The following GRM3 variants were observed in gnomAD, a reference collection of about 807,000 sequenced individuals.
GRM3 encodes the protein glutamate metabotropic receptor 3, also known as metabotropic glutamate receptor 3.
Under a neutral mutation model 70.5 loss-of-function variants are expected in GRM3, and 26 were observed. The ratio of observed to expected loss-of-function variants is 0.37; its 90% CI spans 0.27 to 0.51. The LOEUF is 0.51. GRM3 is among the 20% of genes least tolerant of loss of function. The pLI, the probability that GRM3 is intolerant of heterozygous loss-of-function variation, is 0.93. For missense variants in GRM3, 859 were observed against 1,123.8 expected, an observed-to-expected ratio of 0.76 and a Z score of 3.37; for synonymous variants, 443 against 434.9, an observed-to-expected ratio of 1.02 and a Z score of -0.23.
At chr7:86,763,473 AC>A (rs529523820) in intron 1 of GRM3, among the ~76,000 whole-genome samples, 96 of 152,300 alleles carry the variant, frequency 6.3e-4, no homozygotes, top group Non-Finnish European at 8.1e-4. Flanking sequence ...AACAGCAGGT[AC>A]ATAGGTTCAT....
chr7:86,705,178 G>A (rs1795029536), intron 1 of GRM3, among the ~76,000 whole-genome samples: 1 of 151,894 alleles, frequency 6.6e-6, no homozygotes, highest in African/African-American at 2.4e-5. Flanking sequence ...ATTCCAATGA[G>A]ACATTCCCAA....
At chr7:86,746,339 T>TATTTTATATATATATAAA (rs1324522543) in intron 1 of GRM3, among the ~76,000 whole-genome samples, 455 of 43,218 alleles carry the variant, frequency 0.011, 3 homozygotes, top group Non-Finnish European at 0.014. Flanking sequence ...GTCAGTCATG[T>TATTTTATATATATATAAA]ATTATATATA....
intron 1 of GRM3, among the ~76,000 whole-genome samples, chr7:86,713,486 C>T (rs1462909798): frequency 2.0e-5 from 3 of 151,916 alleles, no homozygotes; most frequent in Non-Finnish European, 4.4e-5. Context: ...ACAGTTTCCC[C>T]ATGAAAGCCC....
intron 5 of GRM3, among the ~76,000 whole-genome samples, chr7:86,854,867 A>G (rs1798817985): frequency 6.6e-6 from 1 of 152,154 alleles, no homozygotes; most frequent in South Asian, 2.1e-4. Flanking sequence ...TGACATTCTG[A>G]ATTTCCACCC....
chr7:86,819,326 C>T (rs1177040771), intron 3 of GRM3, among the ~76,000 whole-genome samples: 1 of 152,080 alleles, frequency 6.6e-6, no homozygotes, highest in Admixed American at 6.6e-5. Flanking sequence ...TCAAATCACA[C>T]ATTATCAAGG....
At chr7:86,794,697 T>C (rs942039622) in intron 3 of GRM3, among the ~76,000 whole-genome samples, 1 of 152,196 alleles carries the variant, frequency 6.6e-6, no homozygotes, top group African/African-American at 2.4e-5. Context: ...CTAGTCAGTC[T>C]ATGTTTCTTC....
At chr7:86,655,651 G>C (rs1225409933) in intron 1 of GRM3, among the ~76,000 whole-genome samples, 1 of 152,040 alleles carries the variant, frequency 6.6e-6, no homozygotes, top group Non-Finnish European at 1.5e-5. Flanking sequence ...GAAAAAGTAA[G>C]CTTAAAAGTC....
intron 1 of GRM3, among the ~76,000 whole-genome samples, chr7:86,663,787 T>C (rs1183360036): frequency 2.0e-5 from 3 of 151,976 alleles, no homozygotes; most frequent in South Asian, 4.1e-4. Context: ...AGAATAATCA[T>C]ATGTCTCAAA....
chr7:86,816,364 G>A (rs1033361831), intron 3 of GRM3, among the ~76,000 whole-genome samples: 1 of 151,742 alleles, frequency 6.6e-6, no homozygotes, highest in Non-Finnish European at 1.5e-5. Flanking sequence ...ATGTCACAGG[G>A]ATTTGGCATA....
At chr7:86,722,400 C>T (rs888237236) in intron 1 of GRM3, among the ~76,000 whole-genome samples, 2 of 152,086 alleles carry the variant, frequency 1.3e-5, no homozygotes, top group South Asian at 2.1e-4. Flanking sequence ...GGTACATATA[C>T]ACCATGGAAT....
intron 4 of GRM3, among the ~76,000 whole-genome samples, chr7:86,843,297 T>C (rs911199197): frequency 3.3e-5 from 5 of 152,178 alleles, no homozygotes; most frequent in Non-Finnish European, 5.9e-5. Flanking sequence ...GGCACAGTTA[T>C]GAAATAGTAG....
At chr7:86,691,129 C>T (rs1353587737) in intron 1 of GRM3, among the ~76,000 whole-genome samples, 1 of 152,078 alleles carries the variant, frequency 6.6e-6, no homozygotes, top group Non-Finnish European at 1.5e-5. Context: ...TCTTACATTC[C>T]CTAGTCATTC....
intron 5 of GRM3, among the ~76,000 whole-genome samples, chr7:86,860,482 TAA>T (rs1002919553): frequency 1.2e-4 from 18 of 152,118 alleles, no homozygotes; most frequent in South Asian, 2.1e-4. Flanking sequence ...CAGAAAAATA[TAA>T]GTTAGAGTTC....
intron 1 of GRM3, among the ~76,000 whole-genome samples, chr7:86,741,071 T>C (rs1795979808): frequency 6.6e-6 from 1 of 152,182 alleles, no homozygotes; most frequent in South Asian, 2.1e-4. Flanking sequence ...TAAAATGTTT[T>C]CCTGGACCAT....
At chr7:86,863,261 C>G (rs1007515725) in intron 5 of GRM3, among the ~76,000 whole-genome samples, 1 of 152,090 alleles carries the variant, frequency 6.6e-6, no homozygotes, top group Non-Finnish European at 1.5e-5. Flanking sequence ...TTACCAACAA[C>G]AAGTTAATAG....
chr7:86,721,812 G>A (rs1343450382), intron 1 of GRM3, among the ~76,000 whole-genome samples: 2 of 152,074 alleles, frequency 1.3e-5, no homozygotes, highest in African/African-American at 4.8e-5. Context: ...GCATTGGGAG[G>A]CACTTTGTAG....
In GRM3 at chr7:86,838,952, T is replaced by C; in HGVS notation, c.1438T>C (p.Tyr480His). 1.2e-6 allele frequency: 2 copies of C among 1,613,720 alleles called. No individual in the cohort carries two copies. The highest frequency in any genetic ancestry group is 1.7e-6 in the Non-Finnish European group (2 of 1,179,628). The change falls in exon 4 of 6, where the codon TAC becomes CAC. Residue 480 changes from tyrosine (Y) to histidine (H), a missense_variant. By Grantham distance (83) the Tyr-to-His change is moderately conservative (BLOSUM62 2). Coordinates refer to ENST00000361669, the MANE Select transcript of GRM3 (RefSeq NM_000840.3). ...CCAAAATGTAGGTGGAAAGTATTCC[T>C]ACTTGAAAGTTGGTCACTGGGCAGA... is the stretch of plus-strand genomic sequence containing the variant. ...NFQNVGGKYS[Y>H]LKVGHWAETL...
intron 1 of GRM3, among the ~76,000 whole-genome samples, chr7:86,740,315 T>C (rs1425688465): frequency 2.0e-5 from 3 of 152,140 alleles, no homozygotes; most frequent in African/African-American, 7.2e-5. Context: ...TAAGGCATTC[T>C]GGGGATAATA....
At chr7:86,651,215 A>T (rs1470239158) in intron 1 of GRM3, among the ~76,000 whole-genome samples, 2 of 152,102 alleles carry the variant, frequency 1.3e-5, no homozygotes, top group Non-Finnish European at 2.9e-5. Context: ...TTTTCACACA[A>T]CCAAAGGGCT....
Sources: allele counts gnomAD v4.1 joint callset (sites outside exome capture counted in the v4.1 genomes callset), GRCh38; gene constraint gnomAD v4.1.1; transcripts MANE v1.5; gene names NCBI Gene and HGNC (gene_info 2026-07-23, HGNC 2026-07-21).